SMCO4: variants seen among roughly 807,000 people sequenced by gnomAD.
SMCO4 encodes single-pass membrane protein with coiled-coil domains 4.
In SMCO4, 4 loss-of-function variants were observed where a neutral mutation model predicts 3.6. The observed-to-expected ratio is 1.11, with a 90% confidence interval of 0.54 to 2.53. SMCO4 has a LOEUF of 2.53. Among genes scored for constraint, SMCO4 ranks in the 30% most tolerant of loss-of-function variants. The pLI is 0.02. For missense variants in SMCO4, 70 were observed against 80.8 expected (o/e 0.87, Z 0.51); for synonymous variants, 36 against 35.3 (o/e 1.02, Z -0.07).
At chr11:93,513,855 G>GT (rs1195867296) in intron 1 of SMCO4, among the ~76,000 whole-genome samples, 1 of 152,224 alleles carries the variant, frequency 6.6e-6, no homozygotes, top group African/African-American at 2.4e-5. Context: ...AAGCACAGCA[G>GT]TAAGTGACTG....
rs1168392909 is a variant in SMCO4 at position 93,534,190 on chromosome 11, CA to C, written c.-154+9085del. On this transcript the variant is annotated intron_variant, in intron 1 of 2. Coordinates refer to ENST00000298966, the MANE Select transcript of SMCO4 (RefSeq NM_020179.3). ...TGGGCGACAAAATGAGACTCCGTCT[CA>C]AAAAAAAAAAAAAAATATATATATA... Among the ~76,000 whole-genome samples, 602 of 110,408 alleles carry C rather than the reference CA, an allele frequency of 5.5e-3. 18 individuals are homozygous for C. Among genetic ancestry groups the C allele is most frequent in the African/African-American group, 0.011 (278 of 25,930 alleles). 72.4% of individuals were successfully genotyped at this position (110,408 alleles called of 152,430 possible).
chr11:93,478,837 C>T lies in SMCO4; in HGVS notation c.*173G>A. On this transcript the variant is annotated 3_prime_UTR_variant, in exon 3 of 3. Transcript: ENST00000298966. ...ATTCACTGATAAAACATCCCCTATT[C>T]CCTCCCAAGAAAGCGGAGATACTTT... 1 of 1,420,326 alleles carries T rather than the reference C, an allele frequency of 7.0e-7. No individual in the cohort carries two copies. 88.0% of individuals were successfully genotyped at this position (1,420,326 alleles called of 1,614,324 possible).
upstream of SMCO4, among the ~76,000 whole-genome samples, chr11:93,547,822 A>G (rs542122056): frequency 6.6e-6 from 1 of 152,320 alleles, no homozygotes; most frequent in Admixed American, 6.5e-5. Context: ...TCCCTTTGTG[A>G]TGCTGTGGGG....
intron 2 of SMCO4, among the ~76,000 whole-genome samples, chr11:93,494,684 C>G (rs947134918): frequency 2.0e-5 from 3 of 152,184 alleles, no homozygotes; most frequent in East Asian, 3.9e-4. Flanking sequence ...ATGTGCAAGT[C>G]TCTGGAATTT....
chr11:93,513,782 T>C (rs985640543), intron 1 of SMCO4, among the ~76,000 whole-genome samples: 35 of 152,168 alleles, frequency 2.3e-4, no homozygotes, highest in African/African-American at 8.2e-4. Flanking sequence ...ATCAGAATCG[T>C]AGTTATTAAT....
chr11:93,515,416 T>C (rs149363530), intron 1 of SMCO4, among the ~76,000 whole-genome samples: 107 of 152,292 alleles, frequency 7.0e-4, no homozygotes, highest in African/African-American at 2.6e-3. Flanking sequence ...TCTGTAACTG[T>C]GAGGTAATTA....
intron 2 of SMCO4, among the ~76,000 whole-genome samples, chr11:93,488,196 C>G (rs914253492): frequency 1.5e-4 from 23 of 152,202 alleles, no homozygotes; most frequent in African/African-American, 5.3e-4. Context: ...ATCTTCCAGG[C>G]AGGGCAGGAC....
intron 2 of SMCO4, among the ~76,000 whole-genome samples, chr11:93,481,215 T>C (rs1258631947): frequency 6.6e-6 from 1 of 152,230 alleles, no homozygotes; most frequent in Non-Finnish European, 1.5e-5. Context: ...TTAACTCCAC[T>C]AGGCCTCCAT....
chr11:93,551,785 T>G, the SMCO4 span, among the ~76,000 whole-genome samples: 4 of 152,178 alleles, frequency 2.6e-5, no homozygotes. Context: ...CATTTAGTAG[T>G]GTACTAAACA....
chr11:93,535,907 C>T, intron 1 of SMCO4: 2 of 1,582,050 alleles, frequency 1.3e-6, no homozygotes, highest in Non-Finnish European at 1.7e-6. Context: ...CTGGTTCCCC[C>T]ACAGTAGGTG....
At chr11:93,509,502 A>G (rs1948938989) in intron 1 of SMCO4, among the ~76,000 whole-genome samples, 2 of 152,214 alleles carry the variant, frequency 1.3e-5, no homozygotes, top group Non-Finnish European at 2.9e-5. Flanking sequence ...ATTATATGAG[A>G]AAGATACTTG....
chr11:93,501,336 T>C (rs2134597368), intron 1 of SMCO4, among the ~76,000 whole-genome samples: 1 of 152,342 alleles, frequency 6.6e-6, no homozygotes, highest in Non-Finnish European at 1.5e-5. Flanking sequence ...GAGGCTGCCA[T>C]AATTATCACT....
chr11:93,533,195 G>A (rs924933286), intron 1 of SMCO4, among the ~76,000 whole-genome samples: 6 of 152,136 alleles, frequency 3.9e-5, no homozygotes, highest in Non-Finnish European at 4.4e-5. Context: ...AAAAACTAAC[G>A]ACATACATGG....
chr11:93,524,944 A>T (rs985941529), intron 1 of SMCO4, among the ~76,000 whole-genome samples: 5 of 152,196 alleles, frequency 3.3e-5, no homozygotes, highest in African/African-American at 1.2e-4. Context: ...ACATCATAAA[A>T]CATAACTCCA....
At chr11:93,543,043 G>T (rs1444631552) in intron 1 of SMCO4, among the ~76,000 whole-genome samples, 1 of 151,816 alleles carries the variant, frequency 6.6e-6, no homozygotes, top group African/African-American at 2.4e-5. Context: ...GCCGCGACGG[G>T]CAGGCGAGCT....
Position 93,514,422 on chromosome 11 carries a change from A to ACACATATATAT in SMCO4, c.-153-15075_-153-15074insATATATATGTG, listed in dbSNP as rs1948990819. On this transcript the variant is annotated intron_variant, in intron 1 of 2. Transcript: ENST00000298966. ...TATATATATATATATATATATATAT[A>ACACATATATAT]AAATTTGGTCTCTTCCAAAGATCAC... 9.6e-5 allele frequency among the ~76,000 whole-genome samples: 10 copies of ACACATATATAT among 103,892 alleles called. 1 individual carries two copies. Among genetic ancestry groups the ACACATATATAT allele is most frequent in the South Asian group, 3.1e-4 (1 of 3,264 alleles). The allele number at this position is 103,892 out of a possible 152,430, so 68.2% of individuals were successfully genotyped here. A position where few individuals can be genotyped will look rare whatever the true frequency, so the allele number is the denominator to read the frequency against.
chr11:93,501,028 C>A (rs935433557), intron 1 of SMCO4, among the ~76,000 whole-genome samples: 10 of 152,228 alleles, frequency 6.6e-5, no homozygotes, highest in Admixed American at 6.5e-4. Context: ...CTCCCCAGAT[C>A]TGGCCCTGTC....
intron 1 of SMCO4, among the ~76,000 whole-genome samples, chr11:93,515,810 C>T (rs1250805129): frequency 6.6e-6 from 1 of 152,150 alleles, no homozygotes; most frequent in African/African-American, 2.4e-5. Flanking sequence ...GTGCACTACA[C>T]CACTGTACGT....
intron 1 of SMCO4, among the ~76,000 whole-genome samples, chr11:93,516,559 G>A (rs969821568): frequency 1.3e-5 from 2 of 152,218 alleles, no homozygotes; most frequent in Admixed American, 6.5e-5. Flanking sequence ...GGAGGCCAAG[G>A]CGGGTGGATC....
Sources: allele counts gnomAD v4.1 joint callset (sites outside exome capture counted in the v4.1 genomes callset), GRCh38; gene constraint gnomAD v4.1.1; transcripts MANE v1.5; gene names NCBI Gene and HGNC (gene_info 2026-07-23, HGNC 2026-07-21).